ZC3H12D: variants seen among roughly 807,000 people sequenced by gnomAD.
The protein encoded by ZC3H12D is zinc finger CCCH-type containing 12D, also known as probable ribonuclease ZC3H12D.
Under a neutral mutation model 24.2 loss-of-function variants are expected in ZC3H12D, and 11 were observed. The ratio of observed to expected loss-of-function variants is 0.46; its 90% CI spans 0.29 to 0.75. The LOEUF is 0.75. Ranked by LOEUF, ZC3H12D falls within the 30% of genes least tolerant of loss-of-function variation. ZC3H12D has a pLI of 0.11. For missense variants in ZC3H12D, 740 were observed against 767.7 expected (o/e 0.96, Z 0.43); for synonymous variants, 333 against 341.8 (o/e 0.97, Z 0.28).
At position 149,447,307 on chromosome 6, in the gene ZC3H12D, G is replaced by C. The variant is rs754133559; in HGVS notation, c.*3376C>G. 6.6e-5 allele frequency: 10 copies of C among 152,252 alleles called. No homozygotes were observed. The highest frequency in any genetic ancestry group is 1.2e-4 in the Non-Finnish European group (8 of 68,104). The allele number at this position is 152,252 out of a possible 1,614,324, so 9.4% of individuals were successfully genotyped here. A position where few individuals can be genotyped will look rare whatever the true frequency, so the allele number is the denominator to read the frequency against. ...CGCTCAGGCTGGAGTGCAGAGCGCA[G>C]TGGCACAGTCTCAGCTCACTACAAC... is the stretch of plus-strand genomic sequence containing the variant. On this transcript the variant is annotated 3_prime_UTR_variant, in exon 6 of 6. Transcript: ENST00000409806.
intron 1 of ZC3H12D, among the ~76,000 whole-genome samples, chr6:149,480,534 G>C (rs538525513): frequency 2.0e-5 from 3 of 152,308 alleles, no homozygotes; most frequent in African/African-American, 7.2e-5. Flanking sequence ...GGAAGCCCAA[G>C]CAGACCAGCC....
chr6:149,475,942 G>A (rs1431525564), intron 1 of ZC3H12D, among the ~76,000 whole-genome samples: 20 of 152,068 alleles, frequency 1.3e-4, no homozygotes, highest in Admixed American at 1.3e-3. Context: ...TTTAAATACA[G>A]AAATAATCAT....
intron 3 of ZC3H12D, chr6:149,459,463 G>C: frequency 1.6e-6 from 1 of 636,352 alleles, no homozygotes; most frequent in Admixed American, 2.5e-5. Context: ...AGAGAGGATT[G>C]TATTGATTGT....
In ZC3H12D at chr6:149,450,619, C is replaced by A. The variant is rs1236104299; in HGVS notation, c.*64G>T. 7.7e-6 allele frequency: 11 copies of A among 1,427,390 alleles called. No homozygotes were observed. The African/African-American group carries it at 1.4e-4, about 19-fold the overall frequency. 88.4% of individuals were successfully genotyped at this position (1,427,390 alleles called of 1,614,324 possible). ...CCACTCAGGTCCAGGCTGGCAACCA[C>A]AGGTCCACCCGTCCAAGACGCAAGG... On this transcript the variant is annotated 3_prime_UTR_variant, in exon 6 of 6. Coordinates refer to ENST00000409806, the MANE Select transcript of ZC3H12D (RefSeq NM_207360.3).
At position 149,456,435 on chromosome 6, in the gene ZC3H12D, C is replaced by T. The variant is rs540029828; in HGVS notation, c.680+231G>A. 2.5e-4 allele frequency among the ~76,000 whole-genome samples: 38 copies of T among 152,064 alleles called. No individual in the cohort carries two copies. The highest frequency in any genetic ancestry group is 5.0e-4 in the Non-Finnish European group (34 of 68,006). ...TTGCATGCTTGGCCCACCTCTTGGG[C>T]TTCTCTGTGGTGTGTCAGATGTGGC... On this transcript the variant is annotated intron_variant, in intron 4 of 5. Coordinates refer to ENST00000409806, the MANE Select transcript of ZC3H12D (RefSeq NM_207360.3). This position sits in a 1 kb window ranked among gnomAD's most constrained non-coding sequence, Gnocchi z 4.3.
At chr6:149,455,809 G>A (rs1378849961) in intron 4 of ZC3H12D, among the ~76,000 whole-genome samples, 1 of 152,076 alleles carries the variant, frequency 6.6e-6, no homozygotes, top group African/African-American at 2.4e-5. Context: ...GGCTGAGGCA[G>A]GAGGATCGCT....
chr6:149,474,708 T>A, intron 1 of ZC3H12D, 95 bp from the exon 2 acceptor site: 1 of 533,806 alleles, frequency 1.9e-6, no homozygotes, highest in Non-Finnish European at 3.0e-6. Context: ...GGCCTAGCTG[T>A]CAGGAAATCA....
In ZC3H12D at chr6:149,447,352, G is replaced by A. The variant is rs1335649296; in HGVS notation, c.*3331C>T. On this transcript the variant is annotated 3_prime_UTR_variant, in exon 6 of 6. Transcript: ENST00000409806. ...TACAACCTCTGCCTCCTGGGTTCAA[G>A]GTGATTCTCCTGCCTCAGCCTCCCG... 1 of 152,218 alleles carries A rather than the reference G, an allele frequency of 6.6e-6. No individual in the cohort carries two copies. Among genetic ancestry groups the A allele is most frequent in the African/African-American group, 2.4e-5 (1 of 41,422 alleles). 9.4% of individuals were successfully genotyped at this position (152,218 alleles called of 1,614,324 possible). A position where few individuals can be genotyped will look rare whatever the true frequency, so the allele number is the denominator to read the frequency against.
At position 149,456,622 on chromosome 6, in the gene ZC3H12D, C is replaced by CCCCCCCCCCCCCCCCCCGGGGGCGG; in HGVS notation, c.680+43_680+44insCCGCCCCCGGGGGGGGGGGGGGGGG. ...GGCCACTGCCTCGACCCCGGCCCCC[C>CCCCCCCCCCCCCCCCCCGGGGGCGG]GCCCCGCCGCCCCCCAGGGTGTCAG... On this transcript the variant is annotated intron_variant, in intron 4 of 5. Coordinates refer to ENST00000409806, the MANE Select transcript of ZC3H12D (RefSeq NM_207360.3). This position sits in a 1 kb window ranked among gnomAD's most constrained non-coding sequence, Gnocchi z 4.3. The CCCCCCCCCCCCCCCCCCGGGGGCGG allele has an allele frequency of 7.6e-7, 1 of 1,314,360 alleles. No homozygotes were observed. The highest frequency in any genetic ancestry group is 1.1e-6 in the Non-Finnish European group (1 of 921,308). The allele number at this position is 1,314,360 out of a possible 1,614,324, so 81.4% of individuals were successfully genotyped here.
In ZC3H12D at chr6:149,474,879, G is replaced by A. The variant is rs529953774; in HGVS notation, c.-70-266C>T. On this transcript the variant is annotated intron_variant, in intron 1 of 5. Coordinates refer to ENST00000409806, the MANE Select transcript of ZC3H12D (RefSeq NM_207360.3). ...CACACCAGGGCTGCAGGGGCTGAGCGTGCACCTAGCACTCGGGACAGGCCA... is the reference window on the plus strand; with the variant it reads ...CACACCAGGGCTGCAGGGGCTGAGCATGCACCTAGCACTCGGGACAGGCCA... Among the ~76,000 whole-genome samples, 10 of 152,340 alleles carry A rather than the reference G, an allele frequency of 6.6e-5. No homozygotes were observed. In the South Asian group the frequency reaches 8.3e-4, roughly 13 times the overall value.
At chr6:149,480,745 C>CAAAAAAAAACA (rs66946761) in intron 1 of ZC3H12D, among the ~76,000 whole-genome samples, 1 of 151,122 alleles carries the variant, frequency 6.6e-6, no homozygotes, top group African/African-American at 2.4e-5. Flanking sequence ...TCAAAAAAAA[C>CAAAAAAAAACA]AAAAAAAACA....
chr6:149,461,759 G>T, intron 3 of ZC3H12D, 72 bp downstream of exon 3: 1 of 1,437,990 alleles, frequency 7.0e-7, no homozygotes, highest in South Asian at 1.3e-5. Context: ...GTAGATATTT[G>T]ACTATCGATG....
chr6:149,451,291 A>C lies in ZC3H12D; in HGVS notation c.976T>G (p.Phe326Val). Residue 326 changes from phenylalanine to valine, a missense_variant, in exon 6 of 6, where the codon TTT becomes GTT. Coordinates refer to ENST00000409806, the MANE Select transcript of ZC3H12D (RefSeq NM_207360.3). Reference sequence around the variant, plus strand: ...CGCGCCGGCGGGAGGCTGTGCGCAAATGGTTCCCGGGGGGCCGCCCGGGCT... The same window carrying C: ...CGCGCCGGCGGGAGGCTGTGCGCAACTGGTTCCCGGGGGGCCGCCCGGGCT... ...AGARAAPREP[F>V]AHSLPPARGS... 1.5e-6 allele frequency: 2 copies of C among 1,315,356 alleles called. No individual in the cohort carries two copies. Among genetic ancestry groups the C allele is most frequent in the African/African-American group, 1.6e-5 (1 of 63,892 alleles). The allele number at this position is 1,315,356 out of a possible 1,614,324, so 81.5% of individuals were successfully genotyped here.
intron 2 of ZC3H12D, among the ~76,000 whole-genome samples, chr6:149,473,634 G>A (rs1017772735): frequency 1.3e-5 from 2 of 152,100 alleles, no homozygotes; most frequent in Non-Finnish European, 2.9e-5. Flanking sequence ...GCAGCTCAGG[G>A]GGCCACAAAC....
At chr6:149,476,533 C>T (rs936732729) in intron 1 of ZC3H12D, among the ~76,000 whole-genome samples, 1 of 151,906 alleles carries the variant, frequency 6.6e-6, no homozygotes, top group East Asian at 1.9e-4. Context: ...TTTGGCTGGG[C>T]ATGGTGGCTC....
chr6:149,466,705 G>A (rs998824446), intron 2 of ZC3H12D, among the ~76,000 whole-genome samples: 17 of 152,060 alleles, frequency 1.1e-4, no homozygotes, highest in East Asian at 9.7e-4. Flanking sequence ...GTGAAACCCC[G>A]TCTTTACTAA....
chr6:149,470,940 G>C (rs1299674376), intron 2 of ZC3H12D, among the ~76,000 whole-genome samples: 1 of 152,230 alleles, frequency 6.6e-6, no homozygotes, highest in Non-Finnish European at 1.5e-5. Flanking sequence ...TGGCCTAGCG[G>C]TCCTGTACTT....
intron 2 of ZC3H12D, among the ~76,000 whole-genome samples, chr6:149,473,079 G>A (rs1776270874): frequency 6.6e-6 from 1 of 151,928 alleles, no homozygotes; most frequent in African/African-American, 2.4e-5. Context: ...AGAAAGAGAG[G>A]GCTCCATCAC....
chr6:149,484,499 A>G (rs1233568652), intron 1 of ZC3H12D, among the ~76,000 whole-genome samples: 2 of 152,240 alleles, frequency 1.3e-5, no homozygotes, highest in African/African-American at 2.4e-5. Flanking sequence ...GGTTTTACTG[A>G]AACTGAAGAG....
Sources: allele counts gnomAD v4.1 joint callset (sites outside exome capture counted in the v4.1 genomes callset), GRCh38; gene constraint gnomAD v4.1.1; non-coding constraint Gnocchi (gnomAD v3.1); transcripts MANE v1.5; gene names NCBI Gene and HGNC (gene_info 2026-07-23, HGNC 2026-07-21).